Variants in AADACL4 observed in about 807,000 individuals in gnomAD.
AADACL4 encodes the protein arylacetamide deacetylase-like 4.
A neutral mutation model predicts 14.1 loss-of-function variants in AADACL4; 9 were observed. The ratio of observed to expected loss-of-function variants is 0.64; its 90% confidence interval spans 0.39 to 1.12. AADACL4 has a LOEUF of 1.12. AADACL4 is among the 50% of genes most tolerant of loss of function. AADACL4 has a pLI of 0.01. For missense variants in AADACL4, 531 were observed against 516.1 expected (o/e 1.03, Z -0.28); for synonymous variants, 188 against 201.6 (o/e 0.93, Z 0.57).
At chr1:12,657,300 G>A (rs1411392022) in intron 2 of AADACL4, among the ~76,000 whole-genome samples, 1 of 152,096 alleles carries the variant, frequency 6.6e-6, no homozygotes, top group Non-Finnish European at 1.5e-5. Flanking sequence ...CTAGCTCCAA[G>A]AAAGAAGGAA....
chr1:12,656,986 T>C (rs1271263997), intron 2 of AADACL4, among the ~76,000 whole-genome samples: 1 of 151,620 alleles, frequency 6.6e-6, no homozygotes, highest in Non-Finnish European at 1.5e-5. Flanking sequence ...CTACAAAAAA[T>C]ACAAAAGTTA....
intron 1 of AADACL4, among the ~76,000 whole-genome samples, chr1:12,646,557 T>C (rs569118153): frequency 6.6e-6 from 1 of 152,332 alleles, no homozygotes; most frequent in African/African-American, 2.4e-5. Context: ...AATTAGGCAG[T>C]CTCAAGCCAG....
intron 3 of AADACL4, among the ~76,000 whole-genome samples, chr1:12,664,526 C>T (rs538069099): frequency 1.0e-3 from 153 of 152,082 alleles, no homozygotes; most frequent in African/African-American, 3.2e-3. Context: ...ACCACCACAC[C>T]CCGCTAATTT....
At chr1:12,648,388 C>CCTTCCTTCCTTCCTTCCTTCCTTTCTTT (rs1487579652) in intron 1 of AADACL4, among the ~76,000 whole-genome samples, 46 of 146,846 alleles carry the variant, frequency 3.1e-4, no homozygotes, top group African/African-American at 1.2e-3. Flanking sequence ...TTCCTTCCTT[C>CCTTCCTTCCTTCCTTCCTTCCTTTCTTT]CTTTCTTTCC....
At chr1:12,649,835 A>G (rs895379693) in intron 1 of AADACL4, among the ~76,000 whole-genome samples, 3 of 152,200 alleles carry the variant, frequency 2.0e-5, no homozygotes, top group African/African-American at 7.2e-5. Context: ...TTTTCAGTTC[A>G]TTGGAGTTTG....
In AADACL4 at chr1:12,658,083, TTCTTTCTCTTTCTTTC is replaced by T. The variant is rs766862115; in HGVS notation, c.386-3704_386-3689del. On this transcript the variant is annotated intron_variant, in intron 2 of 3. Transcript: ENST00000376221. ...TTTCTTTTTCTCTTTCTTTCTTTCT[TTCTTTCTCTTTCTTTC>T]TCTCTTTCTTTCCTTCCTTCCTTCC... Among the ~76,000 whole-genome samples, 510 of 138,640 alleles carry T rather than the reference TTCTTTCTCTTTCTTTC, an allele frequency of 3.7e-3. 4 individuals are homozygous for T. The highest frequency in any genetic ancestry group is 7.9e-3 in the Middle Eastern group (2 of 252). The allele number at this position is 138,640 out of a possible 152,430, so 91.0% of individuals were successfully genotyped here. A position where few individuals can be genotyped will look rare whatever the true frequency, so the allele number is the denominator to read the frequency against.
chr1:12,644,633 C>T lies in AADACL4; in HGVS notation c.87C>T (p.Leu29=), dbSNP rs764067480. The part of the protein sequence containing the change: ...VFVWAVFEHF[L]TTDIPATLQH... ...TCTGGGCTGTCTTTGAGCACTTCCT[C>T]ACCACGGATATCCCTGCTACCTTGC... The change falls in exon 1 of 4, where the codon CTC becomes CTT. Residue 29 remains leucine (L), a synonymous_variant. Coordinates refer to ENST00000376221, the MANE Select transcript of AADACL4 (RefSeq NM_001013630.2). 54 of 1,614,068 alleles carry T rather than the reference C, an allele frequency of 3.3e-5. No individual in the cohort carries two copies. Among genetic ancestry groups the T allele is most frequent in the Non-Finnish European group, 4.1e-5 (48 of 1,180,030 alleles).
chr1:12,661,959 C>T (rs1259552769), intron 3 of AADACL4, 105 bp downstream of exon 3: 21 of 1,262,776 alleles, frequency 1.7e-5, no homozygotes, highest in Middle Eastern at 2.0e-4. Flanking sequence ...CAAGAGGCAA[C>T]TCTTGGACAT....
intron 2 of AADACL4, 108 bp from the exon 3 acceptor site, chr1:12,661,683 G>A: frequency 8.8e-7 from 1 of 1,136,400 alleles, no homozygotes; most frequent in African/African-American, 1.5e-5. Flanking sequence ...AAACAGAGAG[G>A]ATGCCACACC....
At chr1:12,661,958 A>C in intron 3 of AADACL4, 104 bp downstream of exon 3, 1 of 1,237,368 alleles carries the variant, frequency 8.1e-7, no homozygotes, top group Middle Eastern at 2.0e-4. Flanking sequence ...CCAAGAGGCA[A>C]CTCTTGGACA....
chr1:12,660,736 C>T (rs1449113985), intron 2 of AADACL4, among the ~76,000 whole-genome samples: 2 of 152,098 alleles, frequency 1.3e-5, no homozygotes, highest in Non-Finnish European at 2.9e-5. Context: ...CTCCGCCTCC[C>T]GGGTTCAAGC....
chr1:12,658,610 C>T (rs1433420183), intron 2 of AADACL4, among the ~76,000 whole-genome samples: 1 of 152,138 alleles, frequency 6.6e-6, no homozygotes, highest in Non-Finnish European at 1.5e-5. Context: ...GTCTCAGCCT[C>T]CCTGGACATC....
Position 12,666,633 on chromosome 1 carries a change from T to C in AADACL4, c.1122T>C (p.Asp374=), listed in dbSNP as rs1647340752. The C allele has an allele frequency of 6.2e-7, 1 of 1,614,194 alleles. No individual in the cohort carries two copies. The highest frequency in any genetic ancestry group is 8.5e-7 in the Non-Finnish European group (1 of 1,180,026). ...GVRVTWYHLY[D]GFHGSIIFFD... is the part of the protein sequence containing the mutation. ...GCGTGACATGGTACCACCTGTATGA[T>C]GGTTTTCACGGATCCATTATCTTTT... is the stretch of plus-strand genomic sequence containing the variant. The change falls in exon 4 of 4, where the codon GAT becomes GAC. Residue 374 remains aspartate, a synonymous_variant. Transcript: ENST00000376221.
At chr1:12,658,484 C>A (rs1025250691) in intron 2 of AADACL4, among the ~76,000 whole-genome samples, 1 of 152,178 alleles carries the variant, frequency 6.6e-6, no homozygotes, top group Non-Finnish European at 1.5e-5. Context: ...GTGTCGAACT[C>A]CTGACCTCAG....
rs148670958 is a variant in AADACL4, at chr1:12,666,225, C to T, written c.714C>T (p.Asn238=). ...TGCAGTTGCCATCCTTTCAGCAGAA[C>T]CAAAATGTCCCATTACTTTCCCGGA... is the stretch of plus-strand genomic sequence containing the variant. ...FCLQLPSFQQ[N]QNVPLLSRKF... The change falls in exon 4 of 4, where the codon AAC becomes AAT. Residue 238 remains asparagine (N), a synonymous_variant. Coordinates refer to ENST00000376221, the MANE Select transcript of AADACL4 (RefSeq NM_001013630.2). The T allele has an allele frequency of 6.8e-6, 11 of 1,614,136 alleles. No homozygotes were observed. Among genetic ancestry groups the T allele is most frequent in the Non-Finnish European group, 9.3e-6 (11 of 1,180,058 alleles).
chr1:12,665,622 G>A (rs1033046095), intron 3 of AADACL4, among the ~76,000 whole-genome samples: 1 of 152,194 alleles, frequency 6.6e-6, no homozygotes, highest in Non-Finnish European at 1.5e-5. Context: ...CAAACAGTGG[G>A]ACTGGTAGTG....
chr1:12,666,426 C>G lies in AADACL4; in HGVS notation c.915C>G (p.Gly305=), dbSNP rs1173286311. The change falls in exon 4 of 4, where the codon GGC becomes GGG. Residue 305 remains glycine, a synonymous_variant. Transcript: ENST00000376221. ...KNRGYQPWSP[G]PFNEAAYLEA... ...GAGGCTACCAACCCTGGTCTCCCGG[C>G]CCTTTTAATGAAGCTGCCTATCTAG... The G allele has an allele frequency of 6.2e-7, 1 of 1,614,160 alleles. No homozygotes were observed. The highest frequency in any genetic ancestry group is 8.5e-7 in the Non-Finnish European group (1 of 1,180,026).
chr1:12,655,868 G>A (rs1647176908), intron 2 of AADACL4, among the ~76,000 whole-genome samples: 1 of 152,160 alleles, frequency 6.6e-6, no homozygotes, highest in African/African-American at 2.4e-5. Context: ...CTAATAAAGG[G>A]TTCTGATAAA....
intron 2 of AADACL4, among the ~76,000 whole-genome samples, chr1:12,661,132 C>T (rs1647223728): frequency 6.6e-6 from 1 of 152,190 alleles, no homozygotes; most frequent in South Asian, 2.1e-4. Flanking sequence ...CAACCTCCTC[C>T]AAACCCTGGA....
Sources: gnomAD v4.1 joint callset for allele counts (sites outside exome capture counted in the v4.1 genomes callset) on GRCh38, gnomAD v4.1.1 for gene constraint, MANE v1.5 for transcripts, NCBI Gene and HGNC (gene_info 2026-07-23, HGNC 2026-07-21) for gene names.